The following ABHD17C variants were observed in gnomAD, a reference collection of about 807,000 sequenced individuals.
The protein encoded by ABHD17C is abhydrolase domain containing 17C, depalmitoylase, also known as alpha/beta hydrolase domain-containing protein 17C.
In ABHD17C, 11 loss-of-function variants were observed where a neutral mutation model predicts 27.9. That is an observed-to-expected ratio of 0.39 (90% CI 0.25 to 0.65). The LOEUF (loss-of-function observed/expected upper bound fraction) is 0.65, where lower values mean the gene tolerates loss of function less well. ABHD17C is among the 30% of genes least tolerant of loss of function. The probability of loss-of-function intolerance (pLI) is 0.45; values close to 1 mark genes in which losing one functional copy is unlikely to be tolerated. For synonymous variants in ABHD17C, 233 were observed against 209.1 expected, an observed-to-expected ratio of 1.11 and a Z score of -0.98; for missense variants, 280 against 470.2, an observed-to-expected ratio of 0.60 and a Z score of 3.74.
At chr15:80,745,758 C>T (rs1001432642) in intron 1 of ABHD17C, among the ~76,000 whole-genome samples, 9 of 152,178 alleles carry the variant, frequency 5.9e-5, no homozygotes, top group African/African-American at 2.2e-4. Context: ...TAACCAAAAA[C>T]CGCCTGTACC....
intron 1 of ABHD17C, among the ~76,000 whole-genome samples, chr15:80,741,586 ATTAAG>A (rs1179852730): frequency 5.9e-5 from 9 of 151,972 alleles, no homozygotes; most frequent in East Asian, 3.9e-4. Flanking sequence ...CTCTTTTCTT[ATTAAG>A]TTGAGAACTT....
At chr15:80,750,164 G>A (rs1170096717) in intron 2 of ABHD17C, among the ~76,000 whole-genome samples, 1 of 152,144 alleles carries the variant, frequency 6.6e-6, no homozygotes, top group Admixed American at 6.5e-5. Context: ...GTACAGGTAA[G>A]GGAAAAGGTA....
In ABHD17C at chr15:80,695,446, C is replaced by G. The variant is rs1275487616; in HGVS notation, c.17C>G (p.Pro6Arg). 7.3e-7 allele frequency: 1 copy of G among 1,362,510 alleles called. No homozygotes were observed. The highest frequency in any genetic ancestry group is 9.6e-7 in the Non-Finnish European group (1 of 1,044,258). The allele number at this position is 1,362,510 out of a possible 1,614,324, so 84.4% of individuals were successfully genotyped here. The change falls in exon 1 of 3, where the codon CCC becomes CGC. Residue 6 changes from proline to arginine, a missense_variant. Around this residue, in one of 2 missense-constraint regions of ABHD17C, gnomAD observed 74 missense variants for 75.5 expected, o/e 0.98. Transcript: ENST00000258884. This position sits in a 1 kb window ranked among gnomAD's most constrained non-coding sequence, Gnocchi z 4.3. Reference sequence around the variant, plus strand: ...GCCGTCCCGATGCCCGAGCCAGGCCCCAGGATGAACGGCTTCTCGCTGGGT... The same window carrying G: ...GCCGTCCCGATGCCCGAGCCAGGCCGCAGGATGAACGGCTTCTCGCTGGGT... MPEPGPRMNGFSLGEL... is the reference protein window; with the variant it reads MPEPGRRMNGFSLGEL...
intron 1 of ABHD17C, among the ~76,000 whole-genome samples, chr15:80,719,999 C>A (rs1894869976): frequency 1.3e-5 from 2 of 152,116 alleles, no homozygotes; most frequent in African/African-American, 4.8e-5. Context: ...GGGGTTTTGC[C>A]ATGTTGGCCC....
chr15:80,700,397 A>C (rs1158199401), intron 1 of ABHD17C, among the ~76,000 whole-genome samples: 2 of 152,138 alleles, frequency 1.3e-5, no homozygotes, highest in Non-Finnish European at 2.9e-5. Context: ...CATCCACAGA[A>C]GTCGTCTTTG....
intron 1 of ABHD17C, among the ~76,000 whole-genome samples, chr15:80,734,330 T>A (rs1350028027): frequency 6.6e-6 from 1 of 152,190 alleles, no homozygotes; most frequent in Non-Finnish European, 1.5e-5. Flanking sequence ...TCAAATGCCC[T>A]GTGGAGGAGG....
At chr15:80,742,977 G>A (rs1434559262) in intron 1 of ABHD17C, among the ~76,000 whole-genome samples, 1 of 149,522 alleles carries the variant, frequency 6.7e-6, no homozygotes, top group Non-Finnish European at 1.5e-5. Flanking sequence ...GCAGGTTTCA[G>A]AGGGCTTAGG....
intron 1 of ABHD17C, among the ~76,000 whole-genome samples, chr15:80,729,632 T>C (rs1280097619): frequency 6.6e-6 from 1 of 152,210 alleles, no homozygotes; most frequent in Non-Finnish European, 1.5e-5. Flanking sequence ...TGCTTTTCTT[T>C]GATGGGAACT....
At chr15:80,705,333 T>TTTG (rs10523879) in intron 1 of ABHD17C, among the ~76,000 whole-genome samples, 2 of 106,890 alleles carry the variant, frequency 1.9e-5, no homozygotes, top group East Asian at 2.7e-4. Flanking sequence ...TTCCTATGAT[T>TTTG]TGTGTGTGTG....
chr15:80,695,441 A>G lies in ABHD17C; in HGVS notation c.12A>G (p.Pro4=), dbSNP rs948198298. 4 of 1,339,044 alleles carry G rather than the reference A, an allele frequency of 3.0e-6. No homozygotes were observed. Among genetic ancestry groups the G allele is most frequent in the Non-Finnish European group, 2.9e-6 (3 of 1,029,842 alleles). 82.9% of individuals were successfully genotyped at this position (1,339,044 alleles called of 1,614,324 possible). A position where few individuals can be genotyped will look rare whatever the true frequency, so the allele number is the denominator to read the frequency against. Residue 4 remains proline (P), a synonymous_variant, in exon 1 of 3, where the codon CCA becomes CCG. Coordinates refer to ENST00000258884, the MANE Select transcript of ABHD17C (RefSeq NM_021214.2). The surrounding 1 kb of genome is among the most constrained non-coding windows in gnomAD (Gnocchi z 4.3). ...ACCAGGCCGTCCCGATGCCCGAGCC[A>G]GGCCCCAGGATGAACGGCTTCTCGC... The part of the protein sequence containing the change: MPE[P]GPRMNGFSLG...
chr15:80,742,157 GA>G (rs767715627), intron 1 of ABHD17C, among the ~76,000 whole-genome samples: 9 of 152,302 alleles, frequency 5.9e-5, no homozygotes, highest in Non-Finnish European at 1.0e-4. Context: ...TATAAGAGGA[GA>G]TTTTTTTTAT....
At chr15:80,745,850 C>A (rs1185224843) in intron 1 of ABHD17C, among the ~76,000 whole-genome samples, 1 of 152,198 alleles carries the variant, frequency 6.6e-6, no homozygotes, top group African/African-American at 2.4e-5. Flanking sequence ...GTTTCTTTAT[C>A]CACTCTGCTG....
At position 80,695,633 on chromosome 15, in the gene ABHD17C, G is replaced by T. The variant is rs567534581; in HGVS notation, c.204G>T (p.Ala68=). Residue 68 remains alanine (A), a synonymous_variant, in exon 1 of 3, where the codon GCG becomes GCT. Transcript: ENST00000258884. The surrounding 1 kb of genome is among the most constrained non-coding windows in gnomAD (Gnocchi z 4.3). ...APAQATAAAA[A]AQPAPQQPEE... ...CCCAGGCTACCGCCGCCGCCGCCGC[G>T]GCCCAGCCGGCACCGCAGCAGCCCG... The T allele has an allele frequency of 1.2e-5, 14 of 1,212,622 alleles. No individual in the cohort carries two copies. In the East Asian group the frequency reaches 3.7e-4, roughly 32 times the overall value. The allele number at this position is 1,212,622 out of a possible 1,614,324, so 75.1% of individuals were successfully genotyped here. A position where few individuals can be genotyped will look rare whatever the true frequency, so the allele number is the denominator to read the frequency against.
At chr15:80,719,654 CA>C (rs1419145021) in intron 1 of ABHD17C, among the ~76,000 whole-genome samples, 2 of 152,224 alleles carry the variant, frequency 1.3e-5, no homozygotes, top group East Asian at 3.8e-4. Context: ...CCAGCCCATT[CA>C]AAGATCATGT....
At chr15:80,734,176 G>A (rs1357591502) in intron 1 of ABHD17C, among the ~76,000 whole-genome samples, 1 of 151,850 alleles carries the variant, frequency 6.6e-6, no homozygotes, top group Non-Finnish European at 1.5e-5. Flanking sequence ...GTAGAGATAG[G>A]GATTCACCAT....
At chr15:80,713,354 CTT>C (rs67320992) in intron 1 of ABHD17C, among the ~76,000 whole-genome samples, 12,398 of 43,530 alleles carry the variant, frequency 0.28, 367 homozygotes, top group Non-Finnish European at 0.36. Flanking sequence ...AGGTCTTGTT[CTT>C]TTTTTTTTTT....
chr15:80,749,698 T>C lies in ABHD17C; in HGVS notation c.770+6T>C. The C allele has an allele frequency of 1.2e-6, 2 of 1,613,334 alleles. No homozygotes were observed. The highest frequency in any genetic ancestry group is 1.7e-6 in the Non-Finnish European group (2 of 1,179,404). On this transcript the variant is annotated splice_donor_region_variant and intron_variant, in intron 2 of 2. Coordinates refer to ENST00000258884, the MANE Select transcript of ABHD17C (RefSeq NM_021214.2). ...TGCTTTGATGCTTTCCCCAGGTAAG[T>C]TCATGCTTGTCCAACAAGTGGTAAG...
chr15:80,715,072 C>T (rs1267679680), intron 1 of ABHD17C, among the ~76,000 whole-genome samples: 2 of 152,136 alleles, frequency 1.3e-5, no homozygotes, highest in Non-Finnish European at 2.9e-5. Flanking sequence ...TGAGCCACCG[C>T]GCCCGGCCTA....
At chr15:80,730,099 A>G (rs532815754) in intron 1 of ABHD17C, among the ~76,000 whole-genome samples, 82 of 146,012 alleles carry the variant, frequency 5.6e-4, no homozygotes, top group African/African-American at 2.0e-3. Context: ...ACAGAGCAAG[A>G]CTCCATCTCA....
Sources: allele counts gnomAD v4.1 joint callset (sites outside exome capture counted in the v4.1 genomes callset), GRCh38; gene constraint gnomAD v4.1.1; regional missense constraint gnomAD v4.1.1; non-coding constraint Gnocchi (gnomAD v3.1); transcripts MANE v1.5; gene names NCBI Gene and HGNC (gene_info 2026-07-23, HGNC 2026-07-21).